RDH13: variants seen among roughly 807,000 people sequenced by gnomAD.
RDH13 encodes the protein retinol dehydrogenase 13 (all-trans and 9-cis).
RDH13 carries 35 observed loss-of-function variants against 28.3 expected under a neutral mutation model. The ratio of observed to expected loss-of-function variants is 1.24; its 90% CI spans 0.95 to 1.64. The LOEUF is 1.64. RDH13 is among the 40% of genes most tolerant of loss of function. The pLI is 0.00. For synonymous variants in RDH13, 229 were observed against 198.5 expected (o/e 1.15, Z -1.29); for missense variants, 514 against 446.3 (o/e 1.15, Z -1.37).
downstream of RDH13, among the ~76,000 whole-genome samples, chr19:55,043,817 C>T (rs1024909277): frequency 6.6e-6 from 1 of 152,178 alleles, no homozygotes; most frequent in Non-Finnish European, 1.5e-5. Context: ...TCACCCTGAT[C>T]TCTATCCAGT....
intron 1 of RDH13, among the ~76,000 whole-genome samples, chr19:55,062,265 G>A (rs1671169): frequency 0.28 from 43,230 of 152,040 alleles, 6,472 homozygotes; most frequent in Admixed American, 0.4. Context: ...AGAGGCTAAC[G>A]CTGGCAACAA....
At chr19:55,050,528 GTCT>G (rs2075394654) in intron 3 of RDH13, among the ~76,000 whole-genome samples, 1 of 151,872 alleles carries the variant, frequency 6.6e-6, no homozygotes, top group African/African-American at 2.4e-5. Flanking sequence ...GGCTCAAGCA[GTCT>G]TCTTGCTCAG....
upstream of RDH13, chr19:55,063,270 G>A (rs2075870273): frequency 2.5e-6 from 1 of 394,750 alleles, no homozygotes; most frequent in Admixed American, 4.5e-5. Flanking sequence ...AGCTGGGATT[G>A]GTGGTTTCAG....
intron 3 of RDH13, among the ~76,000 whole-genome samples, chr19:55,051,193 A>C (rs1159906626): frequency 6.6e-6 from 1 of 152,094 alleles, no homozygotes; most frequent in African/African-American, 2.4e-5. Context: ...TCCACTCGTG[A>C]GAGAATCTAC....
In RDH13 at chr19:55,059,243, T is replaced by G. The variant is rs1489005104; in HGVS notation, c.98A>C (p.Lys33Thr). ...GACCGTCTTCCCAGGGATGGTGGCC[T>G]TGCTGGGGCAAGCCCCACCGGTGAC... ...DYVTGGACPS[K>T]ATIPGKTVIV... Residue 33 changes from lysine to threonine, a missense_variant, in exon 2 of 7, where the codon AAG (lysine) becomes ACG (threonine). Transcript: ENST00000415061. 2 of 1,604,130 alleles carry G rather than the reference T, an allele frequency of 1.2e-6. No individual in the cohort carries two copies. The highest frequency in any genetic ancestry group is 1.7e-6 in the Non-Finnish European group (2 of 1,175,488).
At position 55,059,290 on chromosome 19, in the gene RDH13, C is replaced by T. The variant is rs1352079284; in HGVS notation, c.66-15G>A. The T allele has an allele frequency of 7.1e-6, 11 of 1,544,148 alleles. No individual in the cohort carries two copies. The highest frequency in any genetic ancestry group is 5.5e-5 in the African/African-American group (4 of 73,226). ...TGACATAGTCCCTGAGGGTGAGAAGCGGCACGGTCAGTCCTGTGGGCCCAC... is the reference window on the plus strand; with the variant it reads ...TGACATAGTCCCTGAGGGTGAGAAGTGGCACGGTCAGTCCTGTGGGCCCAC... On this transcript the variant is annotated splice_polypyrimidine_tract_variant and intron_variant, in intron 1 of 6. Transcript: ENST00000415061.
upstream of RDH13, chr19:55,064,346 G>A (rs533882202): frequency 3.9e-5 from 6 of 152,038 alleles, no homozygotes; most frequent in Admixed American, 6.6e-5. Context: ...ACTTGAACTC[G>A]GGAGGTGGAG....
At chr19:55,062,815 A>G (rs1224428332) in intron 1 of RDH13, among the ~76,000 whole-genome samples, 153 bp downstream of exon 1, 1 of 152,254 alleles carries the variant, frequency 6.6e-6, no homozygotes, top group Non-Finnish European at 1.5e-5. Flanking sequence ...CTGGCCGGCC[A>G]GAGCGCAGGT....
upstream of RDH13, among the ~76,000 whole-genome samples, chr19:55,066,649 TTC>T (rs1443718596): frequency 1.7e-4 from 22 of 127,224 alleles, no homozygotes; most frequent in African/African-American, 5.4e-4. Flanking sequence ...CTCTCCCTCT[TTC>T]TCTTTCTCTC....
At chr19:55,060,176 A>C (rs1671179) in intron 1 of RDH13, among the ~76,000 whole-genome samples, 92,455 of 126,258 alleles carry the variant, frequency 0.73, 34,541 homozygotes, top group East Asian at 0.94. Context: ...TGCAGTTGAG[A>C]GAGAGGAAGG....
At chr19:55,048,287 C>G (rs765629195) in intron 5 of RDH13, 42 bp downstream of exon 5, 6 of 1,611,804 alleles carry the variant, frequency 3.7e-6, no homozygotes, top group Non-Finnish European at 5.1e-6. Flanking sequence ...GCTCTAGGCT[C>G]AGAGTAAAGC....
intron 3 of RDH13, among the ~76,000 whole-genome samples, chr19:55,056,158 AAAAC>A (rs545762875): frequency 6.3e-4 from 96 of 152,050 alleles, no homozygotes; most frequent in Middle Eastern, 6.8e-3. Context: ...CATCTGTCTC[AAAAC>A]AAACAAACAA....
chr19:55,054,631 C>G (rs1412215975), intron 3 of RDH13, among the ~76,000 whole-genome samples: 1 of 152,098 alleles, frequency 6.6e-6, no homozygotes, highest in Non-Finnish European at 1.5e-5. Context: ...TGCAGTGGCA[C>G]AAATACGGCT....
upstream of RDH13, among the ~76,000 whole-genome samples, chr19:55,065,163 T>C (rs1353483535): frequency 2.0e-5 from 3 of 151,236 alleles, no homozygotes; most frequent in Admixed American, 6.7e-5. Context: ...AAGTGGAGAA[T>C]AGTATGAGCC....
At chr19:55,059,337 C>T in intron 1 of RDH13, 62 bp from the exon 2 acceptor site, 1 of 1,109,210 alleles carries the variant, frequency 9.0e-7, no homozygotes, top group Non-Finnish European at 1.3e-6. Context: ...GTGCCCCTGA[C>T]TGAATGATCT....
chr19:55,059,178 C>A lies in RDH13; in HGVS notation c.163G>T (p.Ala55Ser), dbSNP rs547681726. ...TTACCTCTCCTGGCCAGTTCCAAGGCGGTCTGCTTCCCGATGCCTGTGTTG... is the reference window on the plus strand; with the variant it reads ...TTACCTCTCCTGGCCAGTTCCAAGGAGGTCTGCTTCCCGATGCCTGTGTTG... Reference protein sequence around the residue: ...GANTGIGKQTALELARRGGNI... With the variant: ...GANTGIGKQTSLELARRGGNI... Residue 55 changes from alanine to serine, a missense_variant, in exon 2 of 7, where the codon GCC (alanine) becomes TCC (serine). Ala to Ser is a moderately conservative substitution (Grantham distance 99). Transcript: ENST00000415061. 1.3e-6 allele frequency: 2 copies of A among 1,596,980 alleles called. No homozygotes were observed. The highest frequency in any genetic ancestry group is 1.7e-6 in the Non-Finnish European group (2 of 1,171,734).
At chr19:55,049,697 G>A (rs1449031127) in intron 3 of RDH13, among the ~76,000 whole-genome samples, 1 of 150,366 alleles carries the variant, frequency 6.7e-6, no homozygotes, top group Non-Finnish European at 1.5e-5. Context: ...GCTGAGGCGG[G>A]AAAATCGCTT....
chr19:55,046,908 G>T, intron 6 of RDH13: 2 of 160,648 alleles, frequency 1.2e-5, no homozygotes, highest in Non-Finnish European at 2.7e-5. Context: ...AGTAAGTAAA[G>T]CTCCAACTGT....
At chr19:55,049,076 G>A (rs971102772) in intron 3 of RDH13, among the ~76,000 whole-genome samples, 5 of 152,154 alleles carry the variant, frequency 3.3e-5, no homozygotes, top group Non-Finnish European at 7.4e-5. Flanking sequence ...GAAGAGGCTG[G>A]GAGGATTATG....
Sources: gnomAD v4.1 joint callset for allele counts (sites outside exome capture counted in the v4.1 genomes callset) on GRCh38, gnomAD v4.1.1 for gene constraint, MANE v1.5 for transcripts, NCBI Gene and HGNC (gene_info 2026-07-23, HGNC 2026-07-21) for gene names.